BMAL1: variants seen among roughly 807,000 people sequenced by gnomAD.
The protein encoded by BMAL1 is basic helix-loop-helix ARNT-like protein 1.
the BMAL1 span, among the ~76,000 whole-genome samples, chr11:13,326,696 G>C: frequency 1.4e-5 from 2 of 147,804 alleles, no homozygotes; most frequent in Admixed American, 1.4e-4. Context: ...ATAATATATA[G>C]AGAGATAATA....
the BMAL1 span, among the ~76,000 whole-genome samples, chr11:13,345,938 C>A: frequency 1.3e-5 from 2 of 152,112 alleles, no homozygotes; most frequent in Admixed American, 1.3e-4. Flanking sequence ...ACCAACCATC[C>A]CGGTTTGTCT....
chr11:13,305,223 C>T, the BMAL1 span, among the ~76,000 whole-genome samples: 2 of 152,244 alleles, frequency 1.3e-5, no homozygotes, highest in South Asian at 2.1e-4. Flanking sequence ...AGATGCTGGG[C>T]CCCCGCTAGG....
chr11:13,366,660 C>G, the BMAL1 span: 1 of 1,610,180 alleles, frequency 6.2e-7, no homozygotes, highest in Non-Finnish European at 8.5e-7. Flanking sequence ...ATTTCATCTC[C>G]CCAGAATGAT....
At chr11:13,284,026 T>A in the BMAL1 span, among the ~76,000 whole-genome samples, 2 of 149,910 alleles carry the variant, frequency 1.3e-5, no homozygotes, top group Non-Finnish European at 2.9e-5. Context: ...ACCTTCGTCC[T>A]TTTCTCCCTG....
the BMAL1 span, among the ~76,000 whole-genome samples, chr11:13,348,495 C>G: frequency 1.3e-5 from 2 of 151,812 alleles, no homozygotes. Context: ...TGGCTGGGCC[C>G]ATCCCTTAGA....
the BMAL1 span, among the ~76,000 whole-genome samples, chr11:13,356,007 T>C: frequency 1.3e-5 from 2 of 152,172 alleles, no homozygotes; most frequent in South Asian, 4.1e-4. Flanking sequence ...GATTTGGAAC[T>C]CCTTCCTCTG....
chr11:13,369,056 A>G, the BMAL1 span, among the ~76,000 whole-genome samples: 6 of 152,204 alleles, frequency 3.9e-5, no homozygotes, highest in Non-Finnish European at 7.3e-5. Context: ...TGGCTAATGC[A>G]TTGGACAGCA....
At chr11:13,366,054 C>A in the BMAL1 span, among the ~76,000 whole-genome samples, 1 of 152,154 alleles carries the variant, frequency 6.6e-6, no homozygotes, top group Admixed American at 6.5e-5. Context: ...CATTTATAAA[C>A]GCTTCTAGAA....
the BMAL1 span, among the ~76,000 whole-genome samples, chr11:13,307,869 C>T: frequency 2.6e-5 from 4 of 152,216 alleles, no homozygotes; most frequent in African/African-American, 9.7e-5. Context: ...GCTTTAGGCA[C>T]ATTCGTCCTT....
At chr11:13,298,428 C>T in the BMAL1 span, among the ~76,000 whole-genome samples, 1 of 152,230 alleles carries the variant, frequency 6.6e-6, no homozygotes, top group African/African-American at 2.4e-5. Context: ...CACTGCCCCC[C>T]AAATGTTCCC....
the BMAL1 span, among the ~76,000 whole-genome samples, chr11:13,361,681 T>G: frequency 3.9e-5 from 6 of 152,176 alleles, no homozygotes. Flanking sequence ...TAAATAGAGT[T>G]TAATTTCTCA....
the BMAL1 span, among the ~76,000 whole-genome samples, chr11:13,309,157 G>T: frequency 6.6e-6 from 1 of 152,168 alleles, no homozygotes; most frequent in Non-Finnish European, 1.5e-5. Flanking sequence ...GCCCCATCAT[G>T]AACTTGGTCT....
chr11:13,311,120 AT>A, the BMAL1 span, among the ~76,000 whole-genome samples: 1 of 152,252 alleles, frequency 6.6e-6, no homozygotes, highest in East Asian at 1.9e-4. Flanking sequence ...GGTGGAAAGG[AT>A]AGCTGATGCA....
the BMAL1 span, among the ~76,000 whole-genome samples, chr11:13,328,593 C>T: frequency 1.7e-4 from 26 of 152,166 alleles, no homozygotes; most frequent in Non-Finnish European, 2.6e-4. Context: ...AAGGAAGGCC[C>T]CAGAATCCTT....
the BMAL1 span, chr11:13,358,672 G>C: frequency 7.4e-7 from 1 of 1,353,692 alleles, no homozygotes; most frequent in Non-Finnish European, 9.6e-7. Context: ...CTATCCCTAA[G>C]GCAGATGTTT....
chr11:13,339,067 T>C, the BMAL1 span, among the ~76,000 whole-genome samples: 4 of 152,236 alleles, frequency 2.6e-5, no homozygotes, highest in African/African-American at 9.6e-5. Flanking sequence ...ACATGGGGCA[T>C]GTACCTGGCA....
At chr11:13,320,583 GAT>G in the BMAL1 span, among the ~76,000 whole-genome samples, 1 of 152,296 alleles carries the variant, frequency 6.6e-6, no homozygotes, top group Non-Finnish European at 1.5e-5. Flanking sequence ...TATTTTGAAG[GAT>G]ATACGAATTA....
the BMAL1 span, among the ~76,000 whole-genome samples, chr11:13,365,231 T>C: frequency 3.3e-5 from 5 of 151,940 alleles, no homozygotes; most frequent in Admixed American, 1.3e-4. Flanking sequence ...CTTTGAAATA[T>C]AACTTACTTT....
chr11:13,316,070 T>C, the BMAL1 span, among the ~76,000 whole-genome samples: 1 of 152,162 alleles, frequency 6.6e-6, no homozygotes, highest in African/African-American at 2.4e-5. Flanking sequence ...TTGTTGTCCT[T>C]CTTCAAGGAA....
Sources: allele counts gnomAD v4.1 joint callset (sites outside exome capture counted in the v4.1 genomes callset), GRCh38; gene constraint gnomAD v4.1.1; transcripts MANE v1.5; gene names NCBI Gene and HGNC (gene_info 2026-07-23, HGNC 2026-07-21).